Variants in CCDC91 observed in about 807,000 individuals in gnomAD.
CCDC91 encodes the protein coiled-coil domain containing 91, also known as coiled-coil domain-containing protein 91.
In CCDC91, 48 loss-of-function variants were observed where a neutral mutation model predicts 63.2. That is an observed-to-expected ratio of 0.76 (90% CI 0.60 to 0.97). The LOEUF is 0.97. Ranked by LOEUF, CCDC91 falls within the 50% of genes least tolerant of loss-of-function variation. The pLI, the probability that CCDC91 is intolerant of heterozygous loss-of-function variation, is 0.00. For missense variants in CCDC91, 500 were observed against 494.6 expected (o/e 1.01, Z -0.10); for synonymous variants, 167 against 165.8 (o/e 1.01, Z -0.06).
chr12:28,430,134 C>T (rs1292280191), intron 8 of CCDC91, among the ~76,000 whole-genome samples: 3 of 151,650 alleles, frequency 2.0e-5, no homozygotes, highest in Non-Finnish European at 4.4e-5. Flanking sequence ...ATAGCTATTT[C>T]TAATAAGTGG....
chr12:28,417,099 A>G (rs1206969419), intron 8 of CCDC91, among the ~76,000 whole-genome samples: 1 of 152,110 alleles, frequency 6.6e-6, no homozygotes, highest in Non-Finnish European at 1.5e-5. Flanking sequence ...AGGAACCTGT[A>G]TGAACTTCTA....
chr12:28,206,499 G>A (rs904980555), intron 1 of CCDC91, among the ~76,000 whole-genome samples: 1 of 152,098 alleles, frequency 6.6e-6, no homozygotes, highest in African/African-American at 2.4e-5. Flanking sequence ...TATGACTACG[G>A]GAGGATAATA....
chr12:28,304,175 G>A (rs1938392401), intron 3 of CCDC91, among the ~76,000 whole-genome samples: 1 of 151,314 alleles, frequency 6.6e-6, no homozygotes, highest in African/African-American at 2.4e-5. Flanking sequence ...TCAGGAGATC[G>A]AGACTATCCT....
chr12:28,420,966 T>C (rs1228517501), intron 8 of CCDC91, among the ~76,000 whole-genome samples: 1 of 152,122 alleles, frequency 6.6e-6, no homozygotes, highest in Non-Finnish European at 1.5e-5. Flanking sequence ...AATGTTGCTA[T>C]GAGTAATTAT....
chr12:28,208,962 G>A (rs1156272296), intron 1 of CCDC91, among the ~76,000 whole-genome samples: 1 of 151,798 alleles, frequency 6.6e-6, no homozygotes, highest in Non-Finnish European at 1.5e-5. Context: ...CACCATGCCC[G>A]GCTAATTTTT....
intron 6 of CCDC91, among the ~76,000 whole-genome samples, chr12:28,319,096 T>A (rs1940211380): frequency 6.6e-6 from 1 of 151,986 alleles, no homozygotes; most frequent in Non-Finnish European, 1.5e-5. Flanking sequence ...CTGTTCCAAA[T>A]GTTTTTTAAG....
chr12:28,305,240 C>G (rs2137068750), intron 3 of CCDC91, among the ~76,000 whole-genome samples: 1 of 152,100 alleles, frequency 6.6e-6, no homozygotes, highest in African/African-American at 2.4e-5. Flanking sequence ...TCCCTAATGC[C>G]TGTGACTGGC....
intron 12 of CCDC91, among the ~76,000 whole-genome samples, chr12:28,503,058 G>T (rs1459481602): frequency 1.3e-5 from 2 of 152,128 alleles, no homozygotes; most frequent in Admixed American, 6.6e-5. Context: ...AAAAGCAATG[G>T]CAACAAAAGC....
chr12:28,498,194 T>G (rs1304855245), intron 12 of CCDC91, among the ~76,000 whole-genome samples: 4 of 151,660 alleles, frequency 2.6e-5, no homozygotes, highest in Admixed American at 6.6e-5. Context: ...CATTCACTCC[T>G]TTTATATTTA....
intron 12 of CCDC91, among the ~76,000 whole-genome samples, chr12:28,532,185 G>A (rs1941793446): frequency 1.3e-5 from 2 of 152,102 alleles, no homozygotes; most frequent in Non-Finnish European, 2.9e-5. Context: ...AGCTAAATGA[G>A]CAAATGGAAT....
At chr12:28,283,910 C>T (rs1360753526) in intron 3 of CCDC91, among the ~76,000 whole-genome samples, 1 of 152,142 alleles carries the variant, frequency 6.6e-6, no homozygotes, top group Admixed American at 6.5e-5. Context: ...TAGGGATGCA[C>T]AATCTGTGTT....
At chr12:28,201,802 G>T (rs1398532288) in intron 1 of CCDC91, among the ~76,000 whole-genome samples, 1 of 144,944 alleles carries the variant, frequency 6.9e-6, no homozygotes, top group Non-Finnish European at 1.6e-5. Context: ...GAGGCTGGCG[G>T]ATCACTCGCG....
intron 7 of CCDC91, among the ~76,000 whole-genome samples, chr12:28,366,358 A>G (rs1248120700): frequency 1.3e-5 from 2 of 152,296 alleles, no homozygotes; most frequent in East Asian, 3.9e-4. Context: ...GCGTATAGAA[A>G]CAAACCTCAC....
intron 1 of CCDC91, among the ~76,000 whole-genome samples, chr12:28,235,400 A>G (rs549320359): frequency 1.3e-5 from 2 of 152,280 alleles, no homozygotes; most frequent in South Asian, 2.1e-4. Flanking sequence ...GTTAAAGACT[A>G]TGGAGGAACA....
At chr12:28,399,337 A>C (rs1946477563) in intron 8 of CCDC91, among the ~76,000 whole-genome samples, 1 of 152,206 alleles carries the variant, frequency 6.6e-6, no homozygotes, top group Non-Finnish European at 1.5e-5. Flanking sequence ...TCATGAGAAC[A>C]GCATGAGGGT....
chr12:28,394,079 C>T (rs1361907066), intron 8 of CCDC91, among the ~76,000 whole-genome samples: 1 of 152,114 alleles, frequency 6.6e-6, no homozygotes, highest in African/African-American at 2.4e-5. Context: ...AAAGATATCC[C>T]CTGTTTGTTG....
chr12:28,272,095 A>T (rs889738144), intron 3 of CCDC91, among the ~76,000 whole-genome samples: 2 of 151,858 alleles, frequency 1.3e-5, no homozygotes, highest in Non-Finnish European at 2.9e-5. Context: ...TTGGGAAGTT[A>T]GTTGATTCCA....
In CCDC91 at chr12:28,526,311, T is replaced by A. The variant is rs897836415; in HGVS notation, c.1216-22752T>A. 5.4e-4 allele frequency among the ~76,000 whole-genome samples: 82 copies of A among 152,176 alleles called. 4 individuals carry two copies. On this transcript the variant is annotated intron_variant, in intron 12 of 12. Transcript: ENST00000536442. ...GCTGGCTTGGTAGTGGCAAATTTTCTCAGCATATGTTTGTTTGTCTGAAAA... is the reference window on the plus strand; with the variant it reads ...GCTGGCTTGGTAGTGGCAAATTTTCACAGCATATGTTTGTTTGTCTGAAAA...
intron 12 of CCDC91, among the ~76,000 whole-genome samples, chr12:28,487,532 T>G (rs1186326355): frequency 6.6e-6 from 1 of 151,822 alleles, no homozygotes; most frequent in African/African-American, 2.4e-5. Context: ...TCTTCTTGTC[T>G]GTTTCCAAAA....
Sources: allele counts gnomAD v4.1 joint callset (sites outside exome capture counted in the v4.1 genomes callset), GRCh38; gene constraint gnomAD v4.1.1; transcripts MANE v1.5; gene names NCBI Gene and HGNC (gene_info 2026-07-23, HGNC 2026-07-21).